TAF3: variants seen among roughly 807,000 people sequenced by gnomAD.
The protein encoded by TAF3 is transcription initiation factor TFIID subunit 3.
Under a neutral mutation model 80.6 loss-of-function variants are expected in TAF3, and 7 were observed. The observed-to-expected ratio is 0.09, with a 90% confidence interval of 0.05 to 0.16. The LOEUF (loss-of-function observed/expected upper bound fraction) is 0.16, where lower values mean the gene tolerates loss of function less well. Ranked by LOEUF, TAF3 falls within the 10% of genes least tolerant of loss-of-function variation. TAF3 has a pLI of 1.00. For missense variants in TAF3, 921 were observed against 1,140.2 expected, an observed-to-expected ratio of 0.81 and a Z score of 2.77; for synonymous variants, 444 against 446.1, an observed-to-expected ratio of 1.00 and a Z score of 0.06.
In TAF3 at chr10:7,968,816, A is replaced by G. The variant is rs549443292; in HGVS notation, c.2232+3074A>G. On this transcript the variant is annotated intron_variant, in intron 3 of 6. Transcript: ENST00000344293. ...CTACCACACTTTTCTATATTATGTT[A>G]AAATGGGATAAGTGAAATCACTTGG... is the stretch of plus-strand genomic sequence containing the variant. Among the ~76,000 whole-genome samples the G allele has an allele frequency of 2.6e-5, 4 of 152,306 alleles. No individual in the cohort carries two copies. The East Asian group carries it at 7.7e-4, about 29-fold the overall frequency.
chr10:7,861,837 T>G (rs1837151485), intron 2 of TAF3, among the ~76,000 whole-genome samples: 1 of 152,168 alleles, frequency 6.6e-6, no homozygotes, highest in African/African-American at 2.4e-5. Context: ...TAATGTGTAT[T>G]TATGTCTTTT....
intron 4 of TAF3, among the ~76,000 whole-genome samples, chr10:7,998,211 C>A (rs569087108): frequency 1.5e-4 from 21 of 142,654 alleles, no homozygotes; most frequent in Admixed American, 9.3e-4. Context: ...AATGTTTTTT[C>A]TTTTACTACT....
intron 2 of TAF3, among the ~76,000 whole-genome samples, chr10:7,838,186 G>T (rs1836871323): frequency 6.6e-6 from 1 of 152,182 alleles, no homozygotes; most frequent in African/African-American, 2.4e-5. Context: ...GTTCAGTGCT[G>T]TGTGTATGGG....
At chr10:7,934,454 TA>T (rs1837897654) in intron 2 of TAF3, among the ~76,000 whole-genome samples, 2 of 152,288 alleles carry the variant, frequency 1.3e-5, no homozygotes, top group Non-Finnish European at 2.9e-5. Flanking sequence ...TTTATTTATT[TA>T]TTTATTTGAG....
intron 4 of TAF3, among the ~76,000 whole-genome samples, chr10:7,999,065 A>G (rs1373355210): frequency 6.6e-6 from 1 of 152,144 alleles, no homozygotes; most frequent in Non-Finnish European, 1.5e-5. Context: ...CAGAAATCTC[A>G]GTGGTCCTGT....
chr10:7,878,386 C>G lies in TAF3; in HGVS notation c.409+53826C>G, dbSNP rs1406960852. On this transcript the variant is annotated intron_variant, in intron 2 of 6. Transcript: ENST00000344293. Reference sequence around the variant, plus strand: ...TGAATTGAGTGAAAGAATCCAGGCCCTCAGAGCACTTCTGCTCTTAGAAGA... The same window carrying G: ...TGAATTGAGTGAAAGAATCCAGGCCGTCAGAGCACTTCTGCTCTTAGAAGA... 3.3e-5 allele frequency among the ~76,000 whole-genome samples: 5 copies of G among 152,140 alleles called. No individual in the cohort carries two copies. In the East Asian group the frequency reaches 9.6e-4, roughly 29 times the overall value.
At chr10:7,872,983 A>G (rs1344253248) in intron 2 of TAF3, among the ~76,000 whole-genome samples, 2 of 152,202 alleles carry the variant, frequency 1.3e-5, no homozygotes, top group East Asian at 1.9e-4. Context: ...TAATTTATCC[A>G]TAAATCCCAA....
At position 7,863,708 on chromosome 10, in the gene TAF3, CAT is replaced by C. The variant is rs1203098341; in HGVS notation, c.409+39158_409+39159del. Among the ~76,000 whole-genome samples, 29 of 81,404 alleles carry C rather than the reference CAT, an allele frequency of 3.6e-4. 2 individuals are homozygous for C. The highest frequency in any genetic ancestry group is 6.8e-4 in the African/African-American group (14 of 20,580). The allele number at this position is 81,404 out of a possible 152,430, so 53.4% of individuals were successfully genotyped here. ...ATACACACACATATATATATATACA[CAT>C]ATATATATACACATATATATATACA... On this transcript the variant is annotated intron_variant, in intron 2 of 6. Coordinates refer to ENST00000344293, the MANE Select transcript of TAF3 (RefSeq NM_031923.4).
At position 7,863,828 on chromosome 10, in the gene TAF3, C is replaced by T. The variant is rs550680821; in HGVS notation, c.409+39268C>T. Reference sequence around the variant, plus strand: ...TTTCTCAGTGATGTTTTATAGTTTTCAGTGCATCTCTTATACATAATTTAT... The same window carrying T: ...TTTCTCAGTGATGTTTTATAGTTTTTAGTGCATCTCTTATACATAATTTAT... On this transcript the variant is annotated intron_variant, in intron 2 of 6. Transcript: ENST00000344293. 3.3e-5 allele frequency among the ~76,000 whole-genome samples: 5 copies of T among 149,602 alleles called. No individual in the cohort carries two copies. The East Asian group carries it at 7.8e-4, about 23-fold the overall frequency.
Position 8,003,513 on chromosome 10 carries a change from G to A in TAF3, c.2316-5565G>A, listed in dbSNP as rs186353618. ...TATGACATTATAAAATTATGCATGG[G>A]TAAATTTTGTGTTCATAGTGCTAAA... On this transcript the variant is annotated intron_variant, in intron 4 of 6. Transcript: ENST00000344293. Among the ~76,000 whole-genome samples the A allele has an allele frequency of 1.2e-3, 177 of 152,208 alleles. No homozygotes were observed. The South Asian group carries it at 0.017, about 15-fold the overall frequency.
chr10:7,998,300 A>G (rs1447732993), intron 4 of TAF3, among the ~76,000 whole-genome samples: 1 of 147,446 alleles, frequency 6.8e-6, no homozygotes, highest in Non-Finnish European at 1.5e-5. Flanking sequence ...TAAAAGGGGT[A>G]ATGTAATTGA....
intron 2 of TAF3, among the ~76,000 whole-genome samples, chr10:7,878,117 A>T (rs995552264): frequency 1.3e-5 from 2 of 152,214 alleles, no homozygotes; most frequent in African/African-American, 4.8e-5. Flanking sequence ...ATTCTAAAAC[A>T]TGATTTTTAA....
chr10:7,844,366 CTTCTTCTTG>C (rs1385066426), intron 2 of TAF3, among the ~76,000 whole-genome samples: 1 of 148,876 alleles, frequency 6.7e-6, no homozygotes, highest in African/African-American at 2.5e-5. Flanking sequence ...AGCTTTTCTT[CTTCTTCTTG>C]TTCTTTTTTT....
chr10:7,834,593 T>G (rs555095585), intron 2 of TAF3, among the ~76,000 whole-genome samples: 1 of 152,326 alleles, frequency 6.6e-6, no homozygotes, highest in South Asian at 2.1e-4. Context: ...GGGTTCCTCC[T>G]GAGTTCATGC....
intron 2 of TAF3, among the ~76,000 whole-genome samples, chr10:7,887,593 T>C (rs192493707): frequency 3.3e-5 from 5 of 152,216 alleles, no homozygotes; most frequent in Non-Finnish European, 5.9e-5. Context: ...TAGTGATAAG[T>C]GTGAACTGTT....
At chr10:7,962,197 T>C (rs990314094) in intron 2 of TAF3, among the ~76,000 whole-genome samples, 3 of 152,326 alleles carry the variant, frequency 2.0e-5, no homozygotes, top group Admixed American at 6.5e-5. Context: ...TCAAGTCTTA[T>C]ACCCTAATCA....
chr10:7,898,477 C>G (rs1314632016), intron 2 of TAF3, among the ~76,000 whole-genome samples: 2 of 144,486 alleles, frequency 1.4e-5, no homozygotes, highest in Non-Finnish European at 3.0e-5. Flanking sequence ...ACCCAGGAGG[C>G]AGAGGTTGCA....
chr10:7,926,591 T>C (rs1185531140), intron 2 of TAF3, among the ~76,000 whole-genome samples: 1 of 152,214 alleles, frequency 6.6e-6, no homozygotes, highest in Non-Finnish European at 1.5e-5. Flanking sequence ...TTGTCTGTTA[T>C]GGAGGTTCAG....
intron 4 of TAF3, among the ~76,000 whole-genome samples, chr10:7,987,409 T>C (rs1314091948): frequency 6.6e-6 from 1 of 152,222 alleles, no homozygotes; most frequent in African/African-American, 2.4e-5. Context: ...CATTTTTCCA[T>C]GTCTGTATGA....
Sources: gnomAD v4.1 joint callset for allele counts (sites outside exome capture counted in the v4.1 genomes callset) on GRCh38, gnomAD v4.1.1 for gene constraint, MANE v1.5 for transcripts, NCBI Gene and HGNC (gene_info 2026-07-23, HGNC 2026-07-21) for gene names.